UNC5A: variants seen among roughly 807,000 people sequenced by gnomAD.
The protein encoded by UNC5A is unc-5 netrin receptor A.
In UNC5A, 20 loss-of-function variants were observed where a neutral mutation model predicts 87.4. The ratio of observed to expected loss-of-function variants is 0.23; its 90% CI spans 0.16 to 0.33. The LOEUF (loss-of-function observed/expected upper bound fraction) is 0.33. Among genes scored for constraint, UNC5A ranks in the 10% least tolerant of loss-of-function variants. UNC5A has a pLI of 1.00. For synonymous variants in UNC5A, 438 were observed against 482.3 expected (o/e 0.91, Z 1.20); for missense variants, 844 against 1,133.4 (o/e 0.74, Z 3.67).
At chr5:176,829,591 G>A (rs571467972) in intron 1 of UNC5A, among the ~76,000 whole-genome samples, 1 of 145,934 alleles carries the variant, frequency 6.9e-6, no homozygotes, top group South Asian at 2.4e-4. Context: ...GATAAAGTAG[G>A]TGGATGGATG....
chr5:176,813,142 G>A (rs940311344), intron 1 of UNC5A, among the ~76,000 whole-genome samples: 5 of 152,186 alleles, frequency 3.3e-5, no homozygotes, highest in African/African-American at 9.7e-5. Context: ...GCCCGCGCAC[G>A]CAAGCACCCA....
chr5:176,831,336 G>A (rs1757018955), intron 1 of UNC5A, among the ~76,000 whole-genome samples: 1 of 152,070 alleles, frequency 6.6e-6, no homozygotes, highest in African/African-American at 2.4e-5. Context: ...GGAACCCCCA[G>A]GGCCCCTCTC....
intron 1 of UNC5A, among the ~76,000 whole-genome samples, chr5:176,823,160 T>G (rs1487182096): frequency 9.8e-6 from 1 of 101,864 alleles, no homozygotes; most frequent in Non-Finnish European, 1.9e-5. Flanking sequence ...AGATGTTGCA[T>G]CTGGATGCTG....
At chr5:176,822,159 G>A (rs1756741858) in intron 1 of UNC5A, among the ~76,000 whole-genome samples, 1 of 152,266 alleles carries the variant, frequency 6.6e-6, no homozygotes, top group Admixed American at 6.5e-5. Context: ...GAGTCATTCT[G>A]TGTGGTGCAT....
intron 1 of UNC5A, among the ~76,000 whole-genome samples, chr5:176,835,393 G>A (rs1001742669): frequency 6.6e-6 from 1 of 152,202 alleles, no homozygotes; most frequent in African/African-American, 2.4e-5. Flanking sequence ...TCCCAGAGGG[G>A]GCCTGCCTGT....
chr5:176,810,662 C>A lies in UNC5A; in HGVS notation c.-89C>A. 2.3e-6 allele frequency: 1 copy of A among 434,600 alleles called. No individual in the cohort carries two copies. The highest frequency in any genetic ancestry group is 3.1e-6 in the Non-Finnish European group (1 of 326,878). The allele number at this position is 434,600 out of a possible 1,614,324, so 26.9% of individuals were successfully genotyped here. On this transcript the variant is annotated 5_prime_UTR_variant, in exon 1 of 15. Transcript: ENST00000329542. This position sits in a 1 kb window ranked among gnomAD's most constrained non-coding sequence, Gnocchi z 7.3. ...CGCTGGCATGGGCCCCGGGGGCGCC[C>A]CGAGCTGGGGCTCCGGGCTGAGGCG...
chr5:176,878,275 G>A lies in UNC5A; in HGVS notation c.1901G>A (p.Gly634Glu), dbSNP rs1316348267. The change falls in exon 12 of 15, where the codon GGA becomes GAA. Residue 634 changes from glycine to glutamate, a missense_variant. Physicochemically the swap from Gly to Glu is moderately conservative, Grantham distance 98 (BLOSUM62 -2). Transcript: ENST00000329542. ...EVVQLEKQLG[G>E]QLIQEPRVLH... ...GTGCAGCTGGAGAAGCAGCTGGGGG[G>A]ACAGCTGATCCAGGAGCCACGGGTC... 2.5e-6 allele frequency: 4 copies of A among 1,612,838 alleles called. No individual in the cohort carries two copies. Among genetic ancestry groups the A allele is most frequent in the African/African-American group, 1.3e-5 (1 of 75,058 alleles).
intron 1 of UNC5A, among the ~76,000 whole-genome samples, chr5:176,851,654 C>A (rs571937866): frequency 6.6e-6 from 1 of 152,300 alleles, no homozygotes; most frequent in East Asian, 1.9e-4. Context: ...GCTCTGTGCA[C>A]CCCCCTCGGG....
intron 1 of UNC5A, among the ~76,000 whole-genome samples, chr5:176,842,033 T>TAG (rs1175309684): frequency 6.6e-6 from 1 of 152,004 alleles, no homozygotes; most frequent in Non-Finnish European, 1.5e-5. Context: ...CCGTTTCTAC[T>TAG]AAAAATACAA....
In UNC5A at chr5:176,834,669, C is replaced by CTA. The variant is rs1484399472; in HGVS notation, c.70+23850_70+23851insAT. Among the ~76,000 whole-genome samples the CTA allele has an allele frequency of 3.3e-3, 454 of 137,646 alleles. 1 individual carries two copies. Among genetic ancestry groups the CTA allele is most frequent in the Non-Finnish European group, 5.9e-3 (379 of 64,020 alleles). 90.3% of individuals were successfully genotyped at this position (137,646 alleles called of 152,430 possible). ...TGCAGGTTCCCACGTCCCGTCTTCT[C>CTA]TCTCTCTCTCTCTCTCTCTCTCTCT... On this transcript the variant is annotated intron_variant, in intron 1 of 14. Transcript: ENST00000329542.
chr5:176,812,456 G>T (rs1000529134), intron 1 of UNC5A, among the ~76,000 whole-genome samples: 6 of 152,220 alleles, frequency 3.9e-5, no homozygotes, highest in African/African-American at 1.4e-4. Flanking sequence ...GGTGTGTGCA[G>T]CATTGGCATG....
Position 176,879,992 on chromosome 5 carries a change from C to T in UNC5A, c.*106C>T, listed in dbSNP as rs1758378069. 5.7e-6 allele frequency: 8 copies of T among 1,403,722 alleles called. No individual in the cohort carries two copies. Among genetic ancestry groups the T allele is most frequent in the African/African-American group, 1.4e-5 (1 of 69,718 alleles). The allele number at this position is 1,403,722 out of a possible 1,614,324, so 87.0% of individuals were successfully genotyped here. On this transcript the variant is annotated 3_prime_UTR_variant, in exon 15 of 15. Coordinates refer to ENST00000329542, the MANE Select transcript of UNC5A (RefSeq NM_133369.3). ...CCCACACCGGGGAGAGCTGCTCGGA[C>T]AGGCCCCCTCCCGGCCGAAGCTGTC... is the stretch of plus-strand genomic sequence containing the variant.
chr5:176,819,602 G>A lies in UNC5A; in HGVS notation c.70+8782G>A, dbSNP rs558269060. Among the ~76,000 whole-genome samples the A allele has an allele frequency of 7.2e-5, 11 of 152,256 alleles. No individual in the cohort carries two copies. The South Asian group carries it at 1.2e-3, about 17-fold the overall frequency. On this transcript the variant is annotated intron_variant, in intron 1 of 14. Coordinates refer to ENST00000329542, the MANE Select transcript of UNC5A (RefSeq NM_133369.3). ...CCTTACAGGTCCAGGCCCAGGCTCC[G>A]CACGGGATAGGGGAGAAGAGCACAT... is the stretch of plus-strand genomic sequence containing the variant.
chr5:176,856,275 C>G (rs1757665453), intron 1 of UNC5A, among the ~76,000 whole-genome samples: 1 of 152,226 alleles, frequency 6.6e-6, no homozygotes, highest in Non-Finnish European at 1.5e-5. Context: ...AGGAAAGGGG[C>G]TGAGCCTACA....
intron 1 of UNC5A, among the ~76,000 whole-genome samples, chr5:176,825,573 G>C (rs73340062): frequency 0.032 from 4,889 of 152,292 alleles, 272 homozygotes; most frequent in African/African-American, 0.11. Context: ...TGCAGTGAAG[G>C]TTTCAGGGAG....
chr5:176,849,817 G>T (rs1757500293), intron 1 of UNC5A, among the ~76,000 whole-genome samples: 3 of 152,196 alleles, frequency 2.0e-5, no homozygotes, highest in African/African-American at 7.2e-5. Flanking sequence ...CTGTGCCCCA[G>T]CCCCCAGCAA....
At chr5:176,861,513 AG>A (rs1237996428) in intron 1 of UNC5A, among the ~76,000 whole-genome samples, 1 of 152,140 alleles carries the variant, frequency 6.6e-6, no homozygotes, top group Non-Finnish European at 1.5e-5. Flanking sequence ...CAGGAGCGAA[AG>A]GGGCAGTGGG....
In UNC5A at chr5:176,868,328, G is replaced by A. The variant is rs192826758; in HGVS notation, c.436+55G>A. 9,907 of 1,605,450 alleles carry A rather than the reference G, an allele frequency of 6.2e-3. 74 individuals carry two copies. Among genetic ancestry groups the A allele is most frequent in the South Asian group, 0.018 (1,610 of 90,976 alleles). ...GCGCACGGCGGGAGGGTGTCACCAG[G>A]AGAGGGGACAGTAGGCTTCCTGGAA... is the stretch of plus-strand genomic sequence containing the variant. On this transcript the variant is annotated intron_variant, in intron 3 of 14. Coordinates refer to ENST00000329542, the MANE Select transcript of UNC5A (RefSeq NM_133369.3).
At chr5:176,818,934 A>T (rs73340035) in intron 1 of UNC5A, among the ~76,000 whole-genome samples, 4,422 of 152,212 alleles carry the variant, frequency 0.029, 159 homozygotes, top group African/African-American at 0.082. Context: ...CGTAGCCCTG[A>T]GCTTTAAGCC....
Sources: gnomAD v4.1 joint callset for allele counts (sites outside exome capture counted in the v4.1 genomes callset) on GRCh38, gnomAD v4.1.1 for gene constraint, Gnocchi (gnomAD v3.1) non-coding constraint, MANE v1.5 for transcripts, NCBI Gene and HGNC (gene_info 2026-07-23, HGNC 2026-07-21) for gene names.